Variants in RBM27 observed in about 807,000 individuals in gnomAD.
RBM27 encodes the protein RNA binding motif protein 27.
Under a neutral mutation model 135.3 loss-of-function variants are expected in RBM27, and 22 were observed. The ratio of observed to expected loss-of-function variants is 0.16; its 90% CI spans 0.12 to 0.23. RBM27 has a LOEUF of 0.23. Among genes scored for constraint, RBM27 ranks in the 10% least tolerant of loss-of-function variants. RBM27 has a pLI of 1.00. For missense variants in RBM27, 1,009 were observed against 1,281.0 expected (o/e 0.79, Z 3.24); for synonymous variants, 481 against 442.4 (o/e 1.09, Z -1.10).
chr5:146,211,575 G>A lies in RBM27; in HGVS notation c.60-7410G>A, dbSNP rs576220396. ...CGGCTCACCACAACCTCCGCCTCCTGGGTTCAAGCTATTATCCTGCCTCAG... is the reference window on the plus strand; with the variant it reads ...CGGCTCACCACAACCTCCGCCTCCTAGGTTCAAGCTATTATCCTGCCTCAG... On this transcript the variant is annotated intron_variant, in intron 1 of 20. Transcript: ENST00000265271. 1.4e-3 allele frequency among the ~76,000 whole-genome samples: 209 copies of A among 147,868 alleles called. 1 individual carries two copies. Among genetic ancestry groups the A allele is most frequent in the Non-Finnish European group, 9.9e-4 (67 of 67,478 alleles).
intron 19 of RBM27, among the ~76,000 whole-genome samples, chr5:146,277,423 C>G (rs966544462): frequency 1.3e-5 from 2 of 152,060 alleles, no homozygotes; most frequent in African/African-American, 4.8e-5. Context: ...TTATGTACAG[C>G]CCCCTATTGA....
At chr5:146,212,042 T>G (rs888179589) in intron 1 of RBM27, among the ~76,000 whole-genome samples, 2 of 151,838 alleles carry the variant, frequency 1.3e-5, no homozygotes, top group African/African-American at 4.8e-5. Context: ...ATCACTTTGG[T>G]TTTTTTGGTT....
chr5:146,288,380 G>A lies in RBM27; in HGVS notation c.*2350G>A, dbSNP rs1055376220. The A allele has an allele frequency of 2.6e-5, 4 of 152,070 alleles. No individual in the cohort carries two copies. The highest frequency in any genetic ancestry group is 9.6e-5 in the African/African-American group (4 of 41,540). 9.4% of individuals were successfully genotyped at this position (152,070 alleles called of 1,614,324 possible). ...TAAGTTTTCAGTACACCTTAAACAG[G>A]ACTAAAAATACTTTAAAAGTGTGCT... On this transcript the variant is annotated 3_prime_UTR_variant, in exon 21 of 21. Transcript: ENST00000265271.
intron 8 of RBM27, among the ~76,000 whole-genome samples, chr5:146,244,088 A>T (rs897445241): frequency 6.6e-6 from 1 of 152,238 alleles, no homozygotes; most frequent in African/African-American, 2.4e-5. Flanking sequence ...GAAATAAAGC[A>T]TTCATTTAGG....
intron 6 of RBM27, among the ~76,000 whole-genome samples, chr5:146,231,922 G>A (rs896218199): frequency 2.6e-5 from 4 of 152,148 alleles, no homozygotes; most frequent in African/African-American, 9.7e-5. Flanking sequence ...GCCAGGAATT[G>A]TCATTTTTTT....
chr5:146,245,420 A>G (rs112290028), intron 8 of RBM27, among the ~76,000 whole-genome samples: 2,193 of 152,242 alleles, frequency 0.014, 55 homozygotes, highest in African/African-American at 0.05. Flanking sequence ...GTTGTACTGG[A>G]TGTGTGAAAA....
chr5:146,269,317 G>A (rs2126879013), intron 16 of RBM27, 36 bp downstream of exon 16: 1 of 1,530,310 alleles, frequency 6.5e-7, no homozygotes, highest in South Asian at 1.2e-5. Flanking sequence ...TGCTAGAATT[G>A]ATGTATAGAA....
In RBM27 at chr5:146,286,435, G is replaced by A. The variant is rs1349634013; in HGVS notation, c.*405G>A. ...AATCTTTTAACTCTCAGTTGTTATG[G>A]ATGGGTCATCAGACAGTAGGAAATA... On this transcript the variant is annotated 3_prime_UTR_variant, in exon 21 of 21. Coordinates refer to ENST00000265271, the MANE Select transcript of RBM27 (RefSeq NM_018989.2). 1 of 153,442 alleles carries A rather than the reference G, an allele frequency of 6.5e-6. No individual in the cohort carries two copies. Among genetic ancestry groups the A allele is most frequent in the Non-Finnish European group, 1.4e-5 (1 of 69,056 alleles). The allele number at this position is 153,442 out of a possible 1,614,324, so 9.5% of individuals were successfully genotyped here. A position where few individuals can be genotyped will look rare whatever the true frequency, so the allele number is the denominator to read the frequency against.
chr5:146,272,439 C>T (rs568528704), intron 19 of RBM27, among the ~76,000 whole-genome samples: 1 of 152,200 alleles, frequency 6.6e-6, no homozygotes, highest in East Asian at 1.9e-4. Context: ...TAAAGATGGC[C>T]AGGGACAATG....
chr5:146,249,712 AAAAAAAAG>A (rs1274855044), intron 8 of RBM27, among the ~76,000 whole-genome samples: 10 of 151,646 alleles, frequency 6.6e-5, no homozygotes, highest in African/African-American at 2.2e-4. Flanking sequence ...GAAAAAGTAA[AAAAAAAAG>A]AAAAAAAGAA....
intron 15 of RBM27, 55 bp downstream of exon 15, chr5:146,267,823 AGT>A (rs1758682798): frequency 6.4e-7 from 1 of 1,556,630 alleles, no homozygotes; most frequent in African/African-American, 1.4e-5. Flanking sequence ...TGAATTTTTA[AGT>A]GGTTACATTA....
rs1267437427 is a variant in RBM27 at position 146,229,108 on chromosome 5, G to A, written c.395+71G>A. On this transcript the variant is annotated intron_variant, in intron 4 of 20. Transcript: ENST00000265271. ...TAGTTGCCTTGCAAGGACATTAAAG[G>A]GATTTTTAATATATATACTTACTCC... 14 of 1,168,300 alleles carry A rather than the reference G, an allele frequency of 1.2e-5. No individual in the cohort carries two copies. The South Asian group carries it at 1.4e-4, about 12-fold the overall frequency. 72.4% of individuals were successfully genotyped at this position (1,168,300 alleles called of 1,614,324 possible).
rs779479917 is a variant in RBM27 at position 146,251,744 on chromosome 5, C to G, written c.1313C>G (p.Ala438Gly). 1 of 1,613,094 alleles carries G rather than the reference C, an allele frequency of 6.2e-7. No individual in the cohort carries two copies. The highest frequency in any genetic ancestry group is 1.1e-5 in the South Asian group (1 of 91,068). Residue 438 changes from alanine (A) to glycine (G), a missense_variant, in exon 9 of 21, where the codon GCT becomes GGT. By Grantham distance (60) the Ala-to-Gly change is moderately conservative. Coordinates refer to ENST00000265271, the MANE Select transcript of RBM27 (RefSeq NM_018989.2). ...QPMYSREHGA[A>G]ASERLQLGTP... is the part of the protein sequence containing the mutation. ...ATGTACTCTCGTGAACATGGTGCTGCTGCATCTGAGCGACTTCAGTTGGGG... is the reference window on the plus strand; with the variant it reads ...ATGTACTCTCGTGAACATGGTGCTGGTGCATCTGAGCGACTTCAGTTGGGG...
intron 1 of RBM27, among the ~76,000 whole-genome samples, chr5:146,210,636 C>T (rs1233315689): frequency 1.3e-5 from 2 of 152,142 alleles, no homozygotes; most frequent in Non-Finnish European, 2.9e-5. Flanking sequence ...TCCCAGCCTG[C>T]AGAACTGTGA....
At chr5:146,266,283 A>T (rs1439170968) in intron 14 of RBM27, among the ~76,000 whole-genome samples, 2 of 152,208 alleles carry the variant, frequency 1.3e-5, no homozygotes, top group African/African-American at 4.8e-5. Flanking sequence ...GTACTACTGG[A>T]TGAGTGACCT....
At chr5:146,274,281 C>T (rs1407311226) in intron 19 of RBM27, among the ~76,000 whole-genome samples, 1 of 147,270 alleles carries the variant, frequency 6.8e-6, no homozygotes, top group Non-Finnish European at 1.5e-5. Context: ...TTTTTTGTGA[C>T]AGTCTCCATC....
At chr5:146,261,403 C>T in intron 12 of RBM27, 107 bp from the exon 13 acceptor site, 1 of 938,666 alleles carries the variant, frequency 1.1e-6, no homozygotes, top group Non-Finnish European at 1.6e-6. Context: ...GAGTTTAGGG[C>T]TTTAACATGT....
chr5:146,263,362 C>A, intron 13 of RBM27, 129 bp from the exon 14 acceptor site: 1 of 830,468 alleles, frequency 1.2e-6, no homozygotes, highest in South Asian at 1.9e-5. Flanking sequence ...TAAAACCTTA[C>A]GGATAATTGA....
At chr5:146,260,066 G>A (rs1246553293) in intron 11 of RBM27, among the ~76,000 whole-genome samples, 2 of 150,600 alleles carry the variant, frequency 1.3e-5, no homozygotes, top group African/African-American at 2.4e-5. Context: ...TTGGGAGGCC[G>A]AGACGGGTAG....
Sources: allele counts gnomAD v4.1 joint callset (sites outside exome capture counted in the v4.1 genomes callset), GRCh38; gene constraint gnomAD v4.1.1; transcripts MANE v1.5; gene names NCBI Gene and HGNC (gene_info 2026-07-23, HGNC 2026-07-21).